WIPF3: variants seen among roughly 807,000 people sequenced by gnomAD.
WIPF3 encodes WAS/WASL-interacting protein family member 3.
Under a neutral mutation model 38.9 loss-of-function variants are expected in WIPF3, and 33 were observed. That is an observed-to-expected ratio of 0.85 (90% CI 0.64 to 1.14). The LOEUF (loss-of-function observed/expected upper bound fraction) is 1.14. WIPF3 is among the 50% of genes most tolerant of loss of function. The probability of loss-of-function intolerance (pLI) is 0.00; values close to 1 mark genes in which losing one functional copy is unlikely to be tolerated. For missense variants in WIPF3, 711 were observed against 652.5 expected (o/e 1.09, Z -0.98); for synonymous variants, 324 against 269.3 (o/e 1.20, Z -1.99).
At chr7:29,832,766 T>C (rs1205277882) in intron 1 of WIPF3, among the ~76,000 whole-genome samples, 4 of 152,144 alleles carry the variant, frequency 2.6e-5, no homozygotes, top group Admixed American at 6.5e-5. Context: ...TTGTACAAAT[T>C]TAGATTAATC....
At position 29,884,354 on chromosome 7, in the gene WIPF3, A is replaced by G. The variant is rs174965; in HGVS notation, c.860A>G (p.Gln287Arg). ...CCCGCCAGCCCTGCGCAAGATGCGC[A>G]GGAGCCTCCCGCCCCGCCGCCCCCG... ...AEPASPAQDA[Q>R]EPPAPPPPLP... The change falls in exon 5 of 9, where the codon CAG becomes CGG. Residue 287 changes from glutamine (Q) to arginine (R), a missense_variant. By Grantham distance (43) the Gln-to-Arg change is conservative (BLOSUM62 1). Transcript: ENST00000242140. 2.2e-6 allele frequency: 3 copies of G among 1,382,270 alleles called. No homozygotes were observed. The highest frequency in any genetic ancestry group is 1.3e-5 in the South Asian group (1 of 78,354). 85.6% of individuals were successfully genotyped at this position (1,382,270 alleles called of 1,614,324 possible).
chr7:29,828,353 G>A (rs892554624), intron 1 of WIPF3, among the ~76,000 whole-genome samples: 1 of 152,096 alleles, frequency 6.6e-6, no homozygotes, highest in Non-Finnish European at 1.5e-5. Flanking sequence ...CATCACTTCT[G>A]AATGAGTACA....
chr7:29,869,247 C>T (rs1367669293), intron 2 of WIPF3, among the ~76,000 whole-genome samples: 1 of 152,136 alleles, frequency 6.6e-6, no homozygotes, highest in Non-Finnish European at 1.5e-5. Context: ...AGGCTGGTCT[C>T]GAACTCCCAA....
intron 2 of WIPF3, among the ~76,000 whole-genome samples, chr7:29,857,025 T>C (rs966440180): frequency 6.6e-6 from 1 of 152,146 alleles, no homozygotes; most frequent in Non-Finnish European, 1.5e-5. Flanking sequence ...TAATATGAAG[T>C]AATATATATT....
intron 2 of WIPF3, among the ~76,000 whole-genome samples, chr7:29,835,222 T>A (rs1162562609): frequency 1.3e-5 from 2 of 152,132 alleles, no homozygotes; most frequent in Non-Finnish European, 1.5e-5. Flanking sequence ...AGATTGAGCT[T>A]CAGTCCCCTA....
At chr7:29,808,935 C>T (rs1448074928) in intron 1 of WIPF3, among the ~76,000 whole-genome samples, 1 of 152,068 alleles carries the variant, frequency 6.6e-6, no homozygotes, top group Non-Finnish European at 1.5e-5. Context: ...AGAATTTTCA[C>T]CAGGATGGCA....
At chr7:29,853,201 G>A (rs1338169366) in intron 2 of WIPF3, among the ~76,000 whole-genome samples, 5 of 152,194 alleles carry the variant, frequency 3.3e-5, no homozygotes, top group Non-Finnish European at 7.3e-5. Context: ...GCCTCAAGTC[G>A]TTCCACCAAC....
intron 2 of WIPF3, among the ~76,000 whole-genome samples, chr7:29,850,995 TG>T (rs1352796353): frequency 6.6e-6 from 1 of 152,252 alleles, no homozygotes; most frequent in African/African-American, 2.4e-5. Flanking sequence ...GCACAGATCC[TG>T]GAACATACTA....
chr7:29,834,832 G>A lies in WIPF3; in HGVS notation c.90+18G>A. ...CACCCCCGGTAAGACCTTTTTTTCT[G>A]ATTGGTTTACTGTGGAGCATAAACT... On this transcript the variant is annotated intron_variant, in intron 2 of 8. Coordinates refer to ENST00000242140, the MANE Select transcript of WIPF3 (RefSeq NM_001080529.3). The A allele has an allele frequency of 6.7e-7, 1 of 1,481,776 alleles. No individual in the cohort carries two copies. The highest frequency in any genetic ancestry group is 1.2e-5 in the South Asian group (1 of 80,262). 91.8% of individuals were successfully genotyped at this position (1,481,776 alleles called of 1,614,324 possible). A position where few individuals can be genotyped will look rare whatever the true frequency, so the allele number is the denominator to read the frequency against.
Position 29,884,263 on chromosome 7 carries a change from CTCCCGCCCA to C in WIPF3, c.778_786del (p.Ile260_Pro262del). On this transcript the variant is annotated inframe_deletion, in exon 5 of 9. Coordinates refer to ENST00000242140, the MANE Select transcript of WIPF3 (RefSeq NM_001080529.3). ...GAAGCCTCAGCTGGCTCCCTTGCAC[CTCCCGCCCA>C]TCCCGCCCCCGCTCCCTCTGCTCCC... 24 of 1,506,074 alleles carry C rather than the reference CTCCCGCCCA, an allele frequency of 1.6e-5. No homozygotes were observed. The highest frequency in any genetic ancestry group is 2.5e-5 in the East Asian group (1 of 40,066). The allele number at this position is 1,506,074 out of a possible 1,614,324, so 93.3% of individuals were successfully genotyped here.
chr7:29,809,921 A>G (rs1024490045), intron 1 of WIPF3, among the ~76,000 whole-genome samples: 1 of 152,186 alleles, frequency 6.6e-6, no homozygotes, highest in South Asian at 2.1e-4. Context: ...CGCATCTAGG[A>G]TGGTGGCATC....
intron 1 of WIPF3, among the ~76,000 whole-genome samples, chr7:29,817,897 T>C (rs964963260): frequency 3.3e-5 from 5 of 152,222 alleles, no homozygotes; most frequent in African/African-American, 1.2e-4. Flanking sequence ...AATCAACTTT[T>C]GTATGATATT....
intron 8 of WIPF3, among the ~76,000 whole-genome samples, chr7:29,912,996 G>C (rs1249164559): frequency 6.6e-6 from 1 of 152,226 alleles, no homozygotes; most frequent in Admixed American, 6.5e-5. Context: ...GGGTACTGAT[G>C]ATTGGTTGCA....
At chr7:29,911,506 TCA>T (rs1350793450) in intron 8 of WIPF3, among the ~76,000 whole-genome samples, 1 of 152,120 alleles carries the variant, frequency 6.6e-6, no homozygotes, top group Non-Finnish European at 1.5e-5. Context: ...TCTAGGGGAC[TCA>T]CACTTCCTAT....
chr7:29,884,264 T>TTCCCCCCCC lies in WIPF3; in HGVS notation c.770_771insTCCCCCCCC (p.Pro259_Ile260insProProPro). On this transcript the variant is annotated inframe_insertion, in exon 5 of 9. Coordinates refer to ENST00000242140, the MANE Select transcript of WIPF3 (RefSeq NM_001080529.3). ...AAGCCTCAGCTGGCTCCCTTGCACCTCCCGCCCATCCCGCCCCCGCTCCCT... is the reference window on the plus strand; with the variant it reads ...AAGCCTCAGCTGGCTCCCTTGCACCTTCCCCCCCCCCCGCCCATCCCGCCCCCGCTCCCT... 7.6e-7 allele frequency: 1 copy of TTCCCCCCCC among 1,315,268 alleles called. No homozygotes were observed. Among genetic ancestry groups the TTCCCCCCCC allele is most frequent in the Non-Finnish European group, 1.0e-6 (1 of 992,698 alleles). 81.5% of individuals were successfully genotyped at this position (1,315,268 alleles called of 1,614,324 possible). A position where few individuals can be genotyped will look rare whatever the true frequency, so the allele number is the denominator to read the frequency against.
intron 7 of WIPF3, among the ~76,000 whole-genome samples, chr7:29,902,268 C>CTTTTTT (rs1267369053): frequency 8.5e-6 from 1 of 117,358 alleles, no homozygotes. Context: ...TCTTCTTCTT[C>CTTTTTT]TTCTTCTTTT....
chr7:29,863,955 G>C (rs893800931), intron 2 of WIPF3, among the ~76,000 whole-genome samples: 1 of 152,092 alleles, frequency 6.6e-6, no homozygotes, highest in African/African-American at 2.4e-5. Context: ...TTTCTACATA[G>C]AAAATCATGT....
At chr7:29,870,974 A>C (rs976755600) in intron 2 of WIPF3, among the ~76,000 whole-genome samples, 5 of 146,976 alleles carry the variant, frequency 3.4e-5, no homozygotes, top group African/African-American at 9.9e-5. Flanking sequence ...AAAAAAAAAG[A>C]ATCAGGCTTT....
chr7:29,868,053 C>A (rs1320864073), intron 2 of WIPF3, among the ~76,000 whole-genome samples: 1 of 152,112 alleles, frequency 6.6e-6, no homozygotes, highest in East Asian at 1.9e-4. Flanking sequence ...ATGAGCAGTG[C>A]TGTAGAGAAT....
Sources: gnomAD v4.1 joint callset for allele counts (sites outside exome capture counted in the v4.1 genomes callset) on GRCh38, gnomAD v4.1.1 for gene constraint, MANE v1.5 for transcripts, NCBI Gene and HGNC (gene_info 2026-07-23, HGNC 2026-07-21) for gene names.